Variants in TTC19 observed in about 807,000 individuals in gnomAD.
The protein encoded by TTC19 is tetratricopeptide repeat domain 19.
In TTC19, 38 loss-of-function variants were observed where a neutral mutation model predicts 49.5. The observed-to-expected ratio is 0.77, with a 90% CI of 0.59 to 1.01. The LOEUF (loss-of-function observed/expected upper bound fraction) is 1.01, where lower values mean the gene tolerates loss of function less well. TTC19 is among the 50% of genes least tolerant of loss of function. The pLI is 0.00. For synonymous variants in TTC19, 204 were observed against 185.2 expected (o/e 1.10, Z -0.83); for missense variants, 475 against 477.7 (o/e 0.99, Z 0.05).
rs1281993463 is a variant in TTC19 at position 16,029,362 on chromosome 17, A to C, written c.*1840A>C. On this transcript the variant is annotated 3_prime_UTR_variant, in exon 10 of 10. Coordinates refer to ENST00000261647, the MANE Select transcript of TTC19 (RefSeq NM_017775.4). ...CTTTACTGATTGGTCTAAATTCAAAAGTGAATTGGTTAAAATCGTGTCATT... is the reference window on the plus strand; with the variant it reads ...CTTTACTGATTGGTCTAAATTCAAACGTGAATTGGTTAAAATCGTGTCATT... 1 of 378,268 alleles carries C rather than the reference A, an allele frequency of 2.6e-6. No individual in the cohort carries two copies. The highest frequency in any genetic ancestry group is 5.2e-6 in the Non-Finnish European group (1 of 191,684). The allele number at this position is 378,268 out of a possible 1,614,324, so 23.4% of individuals were successfully genotyped here.
chr17:16,016,552 A>G (rs1400517057), intron 7 of TTC19, among the ~76,000 whole-genome samples: 1 of 94,054 alleles, frequency 1.1e-5, no homozygotes, highest in Admixed American at 1.1e-4. Context: ...AGTTGTTCTA[A>G]TTTTTTTTTT....
rs752644503 is a variant in TTC19, at chr17:16,027,602, A to G, written c.*80A>G. 1.4e-5 allele frequency: 21 copies of G among 1,530,194 alleles called. 1 individual carries two copies. The Admixed American group carries it at 3.2e-4, about 23-fold the overall frequency. 94.8% of individuals were successfully genotyped at this position (1,530,194 alleles called of 1,614,324 possible). ...TTCCTGTCTCTGTGGCACCCGATCA[A>G]TGGCTTAAATCTGTCGTTTTTGATA... is the stretch of plus-strand genomic sequence containing the variant. On this transcript the variant is annotated 3_prime_UTR_variant, in exon 10 of 10. Coordinates refer to ENST00000261647, the MANE Select transcript of TTC19 (RefSeq NM_017775.4).
Position 16,027,516 on chromosome 17 carries a change from G to A in TTC19, c.1137G>A (p.Lys379=). ...GTAGACCTTTGACAAATTCTGTCAA[G>A]CTCTAAATCCATTTTTGTGTAGGGA... The part of the protein sequence containing the change: ...KKSRPLTNSV[K]L The change falls in exon 10 of 10, where the codon AAG becomes AAA. Residue 379 remains lysine (K), a synonymous_variant. Transcript: ENST00000261647. The A allele has an allele frequency of 6.2e-7, 1 of 1,613,970 alleles. No individual in the cohort carries two copies. The highest frequency in any genetic ancestry group is 8.5e-7 in the Non-Finnish European group (1 of 1,179,912).
In TTC19 at chr17:16,028,773, A is replaced by C. The variant is rs1324783008; in HGVS notation, c.*1251A>C. 2.2e-6 allele frequency: 1 copy of C among 448,696 alleles called. No individual in the cohort carries two copies. Among genetic ancestry groups the C allele is most frequent in the Non-Finnish European group, 4.4e-6 (1 of 225,538 alleles). The allele number at this position is 448,696 out of a possible 1,614,324, so 27.8% of individuals were successfully genotyped here. A position where few individuals can be genotyped will look rare whatever the true frequency, so the allele number is the denominator to read the frequency against. On this transcript the variant is annotated 3_prime_UTR_variant, in exon 10 of 10. Coordinates refer to ENST00000261647, the MANE Select transcript of TTC19 (RefSeq NM_017775.4). The stretch of plus-strand genomic sequence containing the variant: ...TGGAAGAATCTTCATAATAAATGAG[A>C]CTACACAACAATATTGTATGTATCC...
chr17:16,004,298 G>A, intron 6 of TTC19, 36 bp downstream of exon 6: 1 of 1,593,182 alleles, frequency 6.3e-7, no homozygotes, highest in Non-Finnish European at 8.6e-7. Flanking sequence ...ACTGTGGGCA[G>A]GAAACTTTGA....
At position 15,999,895 on chromosome 17, in the gene TTC19, CCG is replaced by C; in HGVS notation, c.50_51del (p.Ala17GlyfsTer94). On this transcript the variant is annotated frameshift_variant, in exon 1 of 10. Coordinates refer to ENST00000261647, the MANE Select transcript of TTC19 (RefSeq NM_017775.4). LOFTEE classifies it high-confidence loss of function. ...AGCCTGGGCCGAGGCTTCCTGCGGG[CCG>C]CGGGGCGGCGGTGCCGGGGCTGCTC... 7.1e-7 allele frequency: 1 copy of C among 1,400,294 alleles called. No individual in the cohort carries two copies. Among genetic ancestry groups the C allele is most frequent in the East Asian group, 2.9e-5 (1 of 34,050 alleles). 86.7% of individuals were successfully genotyped at this position (1,400,294 alleles called of 1,614,324 possible). A position where few individuals can be genotyped will look rare whatever the true frequency, so the allele number is the denominator to read the frequency against.
rs752794474 is a variant in TTC19 at position 16,002,032 on chromosome 17, C to G, written c.423+7C>G. Reference sequence around the variant, plus strand: ...CACTTACACTTATGATTTGGTAACTCTTATAACCAGTCTGAACCACTGATG... The same window carrying G: ...CACTTACACTTATGATTTGGTAACTGTTATAACCAGTCTGAACCACTGATG... On this transcript the variant is annotated splice_region_variant and intron_variant, in intron 3 of 9. Coordinates refer to ENST00000261647, the MANE Select transcript of TTC19 (RefSeq NM_017775.4). The G allele has an allele frequency of 2.9e-5, 47 of 1,594,804 alleles. No individual in the cohort carries two copies. The highest frequency in any genetic ancestry group is 5.0e-5 in the Admixed American group (3 of 59,980).
intron 7 of TTC19, among the ~76,000 whole-genome samples, chr17:16,014,070 C>T (rs985809472): frequency 1.3e-5 from 2 of 152,192 alleles, no homozygotes; most frequent in African/African-American, 2.4e-5. Context: ...TCCCCATGCT[C>T]CCCTGGTGGT....
At chr17:16,024,993 T>C (rs750890125) in intron 7 of TTC19, 24 bp from the exon 8 acceptor site, 2 of 1,613,452 alleles carry the variant, frequency 1.2e-6, no homozygotes, top group Non-Finnish European at 8.5e-7. Context: ...TGGGTAGATT[T>C]GCTGATTCCT....
intron 2 of TTC19, chr17:16,044,342 C>T: frequency 4.7e-5 from 22 of 463,434 alleles, no homozygotes; most frequent in Middle Eastern, 3.3e-4. Flanking sequence ...TCCTTTTTTC[C>T]TTGGTGTTCA....
intron 6 of TTC19, among the ~76,000 whole-genome samples, chr17:16,005,212 GAA>G (rs1351598443): frequency 1.3e-5 from 2 of 152,342 alleles, no homozygotes; most frequent in East Asian, 3.9e-4. Flanking sequence ...CATGAGACTA[GAA>G]AAGACATGGC....
rs1041230956 is a variant in TTC19 at position 16,044,546 on chromosome 17, G to A, written c.291G>A (p.Thr97=). ...GTCCTTCCAAGGAAGCTAAGGCCAC[G>A]TTGGGATGAGGCCCTCACTTCATCC... The change falls in exon 3 of 3, where the codon ACG becomes ACA. Residue 97 remains threonine, a synonymous_variant. Transcript: ENST00000470649. 9 of 499,818 alleles carry A rather than the reference G, an allele frequency of 1.8e-5. No individual in the cohort carries two copies. The East Asian group carries it at 2.4e-4, about 13-fold the overall frequency. 31.0% of individuals were successfully genotyped at this position (499,818 alleles called of 1,614,324 possible).
intron 2 of TTC19, among the ~76,000 whole-genome samples, chr17:16,037,137 G>C (rs1393464625): frequency 6.6e-6 from 1 of 152,198 alleles, no homozygotes; most frequent in African/African-American, 2.4e-5. Context: ...GGAGGAGAGA[G>C]ACAGGGAACA....
intron 8 of TTC19, 118 bp downstream of exon 8, chr17:16,025,289 C>T: frequency 9.8e-7 from 1 of 1,024,714 alleles, no homozygotes; most frequent in South Asian, 1.4e-5. Flanking sequence ...CTCCTTGGTC[C>T]CCAGTCTACT....
rs1321504867 is a variant in TTC19 at position 16,027,040 on chromosome 17, G to A, written c.995-334G>A. 3 of 509,326 alleles carry A rather than the reference G, an allele frequency of 5.9e-6. No individual in the cohort carries two copies. In the South Asian group the frequency reaches 6.2e-5, roughly 11 times the overall value. 31.6% of individuals were successfully genotyped at this position (509,326 alleles called of 1,614,324 possible). On this transcript the variant is annotated intron_variant, in intron 9 of 9. Coordinates refer to ENST00000261647, the MANE Select transcript of TTC19 (RefSeq NM_017775.4). ...AGTGTGCTGGTGAAGCTTTATGACA[G>A]GAAGTATCATTTTGTCAGACATTTC...
exon 3 of TTC19, chr17:16,044,906 CA>C: frequency 1.5e-6 from 1 of 680,762 alleles, no homozygotes; most frequent in Admixed American, 2.1e-5. Flanking sequence ...TGGAAGCAAA[CA>C]AAGAAGAATC....
At chr17:16,034,685 G>A (rs752130815) in intron 2 of TTC19, 39 of 1,258,516 alleles carry the variant, frequency 3.1e-5, no homozygotes, top group Non-Finnish European at 4.2e-5. Flanking sequence ...TAGAAGAGTT[G>A]CTGAATTTTG....
chr17:16,002,611 A>G (rs1372238965), intron 3 of TTC19, 182 bp from the exon 4 acceptor site: 2 of 643,270 alleles, frequency 3.1e-6, no homozygotes, highest in Non-Finnish European at 5.6e-6. Flanking sequence ...AGTATGTGCA[A>G]GTATTTAATT....
At chr17:16,037,692 G>A (rs1344699182) in intron 2 of TTC19, among the ~76,000 whole-genome samples, 1 of 152,120 alleles carries the variant, frequency 6.6e-6, no homozygotes. Context: ...ATATGTAAAG[G>A]AAAAACTGCA....
Sources: allele counts gnomAD v4.1 joint callset (sites outside exome capture counted in the v4.1 genomes callset), GRCh38; gene constraint gnomAD v4.1.1; transcripts MANE v1.5; gene names NCBI Gene and HGNC (gene_info 2026-07-23, HGNC 2026-07-21).